The following FOXK1 variants were observed in gnomAD, a reference collection of about 807,000 sequenced individuals.
FOXK1 encodes the protein forkhead box protein K1.
In FOXK1, 19 loss-of-function variants were observed where a neutral mutation model predicts 51.9. The ratio of observed to expected loss-of-function variants is 0.37; its 90% CI spans 0.26 to 0.54. The LOEUF is 0.54. Ranked by LOEUF, FOXK1 falls within the 20% of genes least tolerant of loss-of-function variation. The probability of loss-of-function intolerance (pLI) is 0.87; values close to 1 mark genes in which losing one functional copy is unlikely to be tolerated. For synonymous variants in FOXK1, 537 were observed against 482.6 expected (o/e 1.11, Z -1.48); for missense variants, 870 against 1,032.7 (o/e 0.84, Z 2.16).
chr7:4,757,164 C>T lies in FOXK1; in HGVS notation c.1221C>T (p.Thr407=). The T allele has an allele frequency of 6.2e-7, 1 of 1,609,516 alleles. No homozygotes were observed. The highest frequency in any genetic ancestry group is 8.5e-7 in the Non-Finnish European group (1 of 1,178,422). The change falls in exon 5 of 9, where the codon ACC becomes ACT. Residue 407 remains threonine (T), a synonymous_variant. Transcript: ENST00000328914. ...AGAGGGGTGTCTCCTGCTTCCGCAC[C>T]CCCTTCGGGCCTCTGTCCTCAAGGT... ...RRQRGVSCFR[T]PFGPLSSRSA... is the part of the protein sequence containing the mutation.
In FOXK1 at chr7:4,723,230, G is replaced by A. The variant is rs972210588; in HGVS notation, c.561-17608G>A. 1.3e-5 allele frequency among the ~76,000 whole-genome samples: 2 copies of A among 151,850 alleles called. No homozygotes were observed. The highest frequency in any genetic ancestry group is 1.9e-4 in the East Asian group (1 of 5,160). On this transcript the variant is annotated intron_variant, in intron 1 of 8. Coordinates refer to ENST00000328914, the MANE Select transcript of FOXK1 (RefSeq NM_001037165.2). The surrounding 1 kb of genome is among the most constrained non-coding windows in gnomAD (Gnocchi z 4.7). ...ACCCATGGCGGCTTGCACGTTGCACGTCCCCCGGCTCAGCACCGAGCAAGT... is the reference window on the plus strand; with the variant it reads ...ACCCATGGCGGCTTGCACGTTGCACATCCCCCGGCTCAGCACCGAGCAAGT...
intron 1 of FOXK1, among the ~76,000 whole-genome samples, chr7:4,691,601 G>T (rs909680762): frequency 1.3e-5 from 2 of 152,166 alleles, no homozygotes; most frequent in Non-Finnish European, 2.9e-5. Context: ...CTCCCAAAGT[G>T]CTGGGATTTC....
intron 1 of FOXK1, among the ~76,000 whole-genome samples, chr7:4,705,960 GTATA>G (rs58287661): frequency 7.7e-6 from 1 of 129,880 alleles, no homozygotes; most frequent in South Asian, 2.3e-4. Context: ...ATATATATAT[GTATA>G]TATATATACG....
At chr7:4,697,791 T>TGTGTG (rs1779972671) in intron 1 of FOXK1, among the ~76,000 whole-genome samples, 1 of 129,402 alleles carries the variant, frequency 7.7e-6, no homozygotes, top group African/African-American at 2.9e-5. Context: ...GTGTGTGTGT[T>TGTGTG]TCTTTGGTAT....
rs533011699 is a variant in FOXK1 at position 4,756,796 on chromosome 7, G to A, written c.1051-198G>A. On this transcript the variant is annotated intron_variant, in intron 4 of 8. Transcript: ENST00000328914. The surrounding 1 kb of genome is among the most constrained non-coding windows in gnomAD (Gnocchi z 4.1). ...AAAAAAGGTAAAATGGTAATTATGC[G>A]GTGTCAAATTTTGATAGGAATGACC... 6.6e-6 allele frequency among the ~76,000 whole-genome samples: 1 copy of A among 151,988 alleles called. No homozygotes were observed. The highest frequency in any genetic ancestry group is 1.5e-5 in the Non-Finnish European group (1 of 67,962).
chr7:4,702,509 A>T (rs1449376060), intron 1 of FOXK1, among the ~76,000 whole-genome samples: 1 of 151,704 alleles, frequency 6.6e-6, no homozygotes, highest in Non-Finnish European at 1.5e-5. Context: ...TGCCTGGCTA[A>T]TTTTTTTGTA....
intron 1 of FOXK1, among the ~76,000 whole-genome samples, chr7:4,737,083 T>A (rs1267075730): frequency 6.6e-6 from 1 of 151,134 alleles, no homozygotes; most frequent in Non-Finnish European, 1.5e-5. Context: ...GCAAATGTCT[T>A]ACGAAAAAAC....
intron 1 of FOXK1, among the ~76,000 whole-genome samples, chr7:4,716,289 C>CAGG (rs1006421614): frequency 4.0e-5 from 6 of 151,286 alleles, no homozygotes; most frequent in Non-Finnish European, 8.8e-5. Context: ...CACTTGAAGC[C>CAGG]AGGAGTTCAA....
At chr7:4,704,021 A>G (rs917315566) in intron 1 of FOXK1, among the ~76,000 whole-genome samples, 4 of 152,180 alleles carry the variant, frequency 2.6e-5, no homozygotes, top group African/African-American at 9.7e-5. Context: ...TTGGGAATGA[A>G]TTACTCATGG....
Position 4,763,002 on chromosome 7 carries a change from C to CG in FOXK1, c.*544dup. On this transcript the variant is annotated 3_prime_UTR_variant, in exon 9 of 9. Coordinates refer to ENST00000328914, the MANE Select transcript of FOXK1 (RefSeq NM_001037165.2). ...GACATAGAGAGTGTTGGCATTAACT[C>CG]GGGGGGTGTCCGATTTCACTTCAGA... The CG allele has an allele frequency of 6.5e-6, 1 of 154,784 alleles. No individual in the cohort carries two copies. 9.6% of individuals were successfully genotyped at this position (154,784 alleles called of 1,614,324 possible).
rs1308026755 is a variant in FOXK1, at chr7:4,743,421, A to ATGTC, written c.746+2402_746+2405dup. Among the ~76,000 whole-genome samples the ATGTC allele has an allele frequency of 6.6e-6, 1 of 152,060 alleles. No individual in the cohort carries two copies. The highest frequency in any genetic ancestry group is 1.5e-5 in the Non-Finnish European group (1 of 68,006). On this transcript the variant is annotated intron_variant, in intron 2 of 8. Transcript: ENST00000328914. This position sits in a 1 kb window ranked among gnomAD's most constrained non-coding sequence, Gnocchi z 5.3. Reference sequence around the variant, plus strand: ...AAAAATCAGCCAGGCATGGTGCCATATGTCTGTAATCCCAGCTACTCGGGA... The same window carrying ATGTC: ...AAAAATCAGCCAGGCATGGTGCCATATGTCTGTCTGTAATCCCAGCTACTCGGGA...
intron 1 of FOXK1, among the ~76,000 whole-genome samples, chr7:4,738,638 C>A (rs770141480): frequency 6.6e-6 from 1 of 152,128 alleles, no homozygotes; most frequent in Non-Finnish European, 1.5e-5. Context: ...TGACCGACCA[C>A]CCACCCTTAT....
intron 2 of FOXK1, among the ~76,000 whole-genome samples, chr7:4,751,668 T>G (rs1780780148): frequency 6.6e-6 from 1 of 152,238 alleles, no homozygotes; most frequent in South Asian, 2.1e-4. Context: ...TGGGGCTTAT[T>G]GAGAGACGGG....
chr7:4,761,277 G>T lies in FOXK1; in HGVS notation c.1910G>T (p.Gly637Val), dbSNP rs770509587. ...GCGGTTCCCACGAACAGTTTAGCCG[G>T]CAACGCTTACGGTGAGGCCCTGGCC... ...KHAVPTNSLA[G>V]NAYALTSPLQ... Residue 637 changes from glycine to valine, a missense_variant, in exon 8 of 9, where the codon GGC (glycine) becomes GTC (valine). By Grantham distance (109) the Gly-to-Val change is moderately radical. Transcript: ENST00000328914. The surrounding 1 kb of genome is among the most constrained non-coding windows in gnomAD (Gnocchi z 6.2). The T allele has an allele frequency of 6.2e-7, 1 of 1,612,264 alleles. No individual in the cohort carries two copies. Among genetic ancestry groups the T allele is most frequent in the Non-Finnish European group, 8.5e-7 (1 of 1,179,946 alleles).
chr7:4,689,058 C>T lies in FOXK1; in HGVS notation c.560+6190C>T, dbSNP rs9655416. Among the ~76,000 whole-genome samples, 685 of 151,598 alleles carry T rather than the reference C, an allele frequency of 4.5e-3. 6 individuals carry two copies. Among genetic ancestry groups the T allele is most frequent in the African/African-American group, 0.015 (616 of 41,288 alleles). On this transcript the variant is annotated intron_variant, in intron 1 of 8. Transcript: ENST00000328914. ...GTGGCACCATCTTGGCTCATTGCAA[C>T]CCCCTGCCTCCCAGGTTCAAGCAAT...
In FOXK1 at chr7:4,703,957, G is replaced by A. The variant is rs1780050892; in HGVS notation, c.560+21089G>A. ...CCAAACCTGGTGGGAAAAAATGCGT[G>A]TATACGTACCCCTACGTGTGGAAAA... On this transcript the variant is annotated intron_variant, in intron 1 of 8. Coordinates refer to ENST00000328914, the MANE Select transcript of FOXK1 (RefSeq NM_001037165.2). This position sits in a 1 kb window ranked among gnomAD's most constrained non-coding sequence, Gnocchi z 5.6. Among the ~76,000 whole-genome samples the A allele has an allele frequency of 1.3e-5, 2 of 152,258 alleles. No individual in the cohort carries two copies. Among genetic ancestry groups the A allele is most frequent in the East Asian group, 1.9e-4 (1 of 5,180 alleles).
intron 1 of FOXK1, among the ~76,000 whole-genome samples, chr7:4,706,649 G>A (rs1780106233): frequency 6.6e-6 from 1 of 152,216 alleles, no homozygotes; most frequent in Non-Finnish European, 1.5e-5. Context: ...AAAGCAAAAT[G>A]TGATTTACAG....
At chr7:4,694,878 C>T (rs1015277606) in intron 1 of FOXK1, among the ~76,000 whole-genome samples, 1 of 152,184 alleles carries the variant, frequency 6.6e-6, no homozygotes, top group East Asian at 1.9e-4. Flanking sequence ...CGTCTACCTT[C>T]CCAGAAATAC....
chr7:4,719,963 T>C (rs973385695), intron 1 of FOXK1, among the ~76,000 whole-genome samples: 13 of 152,206 alleles, frequency 8.5e-5, no homozygotes, highest in East Asian at 1.9e-4. Flanking sequence ...TATCCTCTCA[T>C]TGGACGCCTG....
Sources: allele counts gnomAD v4.1 joint callset (sites outside exome capture counted in the v4.1 genomes callset), GRCh38; gene constraint gnomAD v4.1.1; non-coding constraint Gnocchi (gnomAD v3.1); transcripts MANE v1.5; gene names NCBI Gene and HGNC (gene_info 2026-07-23, HGNC 2026-07-21).